GRM8: variants seen among roughly 807,000 people sequenced by gnomAD.
GRM8 encodes the protein metabotropic glutamate receptor 8.
Under a neutral mutation model 87.2 loss-of-function variants are expected in GRM8, and 47 were observed. The observed-to-expected ratio is 0.54, with a 90% CI of 0.43 to 0.69. The LOEUF is 0.69. GRM8 is among the 30% of genes least tolerant of loss of function. GRM8 has a pLI of 0.00. For synonymous variants in GRM8, 396 were observed against 404.5 expected (o/e 0.98, Z 0.25); for missense variants, 1,019 against 1,139.2 (o/e 0.89, Z 1.52).
At chr7:127,235,126 A>G (rs1797909048) in intron 2 of GRM8, among the ~76,000 whole-genome samples, 1 of 152,206 alleles carries the variant, frequency 6.6e-6, no homozygotes, top group African/African-American at 2.4e-5. Flanking sequence ...ACTTCTCACT[A>G]CTTTTCAAAC....
chr7:126,464,485 TA>T (rs1297747334), intron 9 of GRM8, among the ~76,000 whole-genome samples: 1 of 151,748 alleles, frequency 6.6e-6, no homozygotes, highest in Admixed American at 6.6e-5. Context: ...ACTTTATTGA[TA>T]AGTAAGGACT....
chr7:126,750,661 C>T (rs181359807), intron 7 of GRM8, among the ~76,000 whole-genome samples: 11 of 152,134 alleles, frequency 7.2e-5, no homozygotes, highest in East Asian at 3.9e-4. Flanking sequence ...TTCTTTAAAA[C>T]GACTCTTTTT....
chr7:126,698,431 CTT>C (rs748070429), intron 7 of GRM8, among the ~76,000 whole-genome samples: 46 of 152,018 alleles, frequency 3.0e-4, no homozygotes, highest in Non-Finnish European at 4.9e-4. Flanking sequence ...AAATATTTAA[CTT>C]ATATTAAAAT....
chr7:127,094,002 C>G (rs1029680400), intron 3 of GRM8, among the ~76,000 whole-genome samples: 1 of 152,168 alleles, frequency 6.6e-6, no homozygotes, highest in African/African-American at 2.4e-5. Context: ...TTCAAGGAAA[C>G]TATATTTGTT....
chr7:127,131,663 C>T (rs1354744764), intron 2 of GRM8, among the ~76,000 whole-genome samples: 1 of 152,042 alleles, frequency 6.6e-6, no homozygotes, highest in African/African-American at 2.4e-5. Flanking sequence ...ATATGACTTA[C>T]ATATTTTTAG....
chr7:127,014,881 A>C (rs969734376), intron 3 of GRM8, among the ~76,000 whole-genome samples: 3 of 150,586 alleles, frequency 2.0e-5, no homozygotes, highest in Non-Finnish European at 4.4e-5. Context: ...GAACCGCTTC[A>C]TACTTCAGGC....
chr7:126,648,998 A>G (rs1803486088), intron 7 of GRM8, among the ~76,000 whole-genome samples: 2 of 152,208 alleles, frequency 1.3e-5, no homozygotes, highest in South Asian at 4.1e-4. Flanking sequence ...TCATAGACTC[A>G]CTTTTAGAAG....
At chr7:126,865,480 T>C (rs1563262049) in intron 6 of GRM8, among the ~76,000 whole-genome samples, 1 of 152,210 alleles carries the variant, frequency 6.6e-6, no homozygotes, top group Admixed American at 6.5e-5. Flanking sequence ...GCTTTTAATA[T>C]ATACATAGCA....
intron 9 of GRM8, among the ~76,000 whole-genome samples, chr7:126,529,295 TA>T (rs1368550463): frequency 1.3e-5 from 2 of 152,236 alleles, no homozygotes; most frequent in Non-Finnish European, 2.9e-5. Flanking sequence ...ATTATATCAT[TA>T]ATATTAGCTC....
intron 3 of GRM8, among the ~76,000 whole-genome samples, chr7:126,932,826 A>G (rs1805909871): frequency 6.6e-6 from 1 of 152,206 alleles, no homozygotes; most frequent in Non-Finnish European, 1.5e-5. Flanking sequence ...CTCAGAAATG[A>G]ATTTGTGTGA....
chr7:126,461,716 C>T (rs1272205429), intron 9 of GRM8, among the ~76,000 whole-genome samples: 1 of 151,626 alleles, frequency 6.6e-6, no homozygotes. Flanking sequence ...TGCTCTCAAT[C>T]CCAAATGATG....
chr7:126,968,821 G>A (rs1810123257), intron 3 of GRM8, among the ~76,000 whole-genome samples: 1 of 152,132 alleles, frequency 6.6e-6, no homozygotes, highest in African/African-American at 2.4e-5. Context: ...GCCTAGACTA[G>A]CCAACAGGGA....
intron 7 of GRM8, among the ~76,000 whole-genome samples, chr7:126,684,937 G>A (rs554190744): frequency 3.9e-5 from 6 of 152,136 alleles, no homozygotes; most frequent in African/African-American, 7.2e-5. Flanking sequence ...TGATGGCAGC[G>A]GTGGGCCATC....
At chr7:126,769,139 A>G (rs576341462) in intron 7 of GRM8, among the ~76,000 whole-genome samples, 1 of 152,078 alleles carries the variant, frequency 6.6e-6, no homozygotes, top group South Asian at 2.1e-4. Flanking sequence ...TTTCATTTGA[A>G]AATAATGATC....
intron 7 of GRM8, among the ~76,000 whole-genome samples, chr7:126,614,076 C>G (rs1799196271): frequency 6.6e-6 from 1 of 152,208 alleles, no homozygotes; most frequent in African/African-American, 2.4e-5. Context: ...GACAGACTGC[C>G]TTCTCAAGTA....
chr7:127,192,565 G>A (rs1430728376), intron 2 of GRM8, among the ~76,000 whole-genome samples: 8 of 152,134 alleles, frequency 5.3e-5, no homozygotes, highest in Non-Finnish European at 1.2e-4. Flanking sequence ...GCCCATCAGG[G>A]CTCACAAAGG....
chr7:127,110,653 A>G (rs921160279), intron 2 of GRM8, among the ~76,000 whole-genome samples: 1 of 152,086 alleles, frequency 6.6e-6, no homozygotes, highest in Non-Finnish European at 1.5e-5. Context: ...TTTTCTAACA[A>G]TTATTTTGGT....
At chr7:126,795,185 TG>T (rs1485038893) in intron 6 of GRM8, among the ~76,000 whole-genome samples, 1 of 152,106 alleles carries the variant, frequency 6.6e-6, no homozygotes, top group Non-Finnish European at 1.5e-5. Flanking sequence ...ACTGGACAGT[TG>T]AGATTGAAAA....
intron 7 of GRM8, among the ~76,000 whole-genome samples, chr7:126,756,835 A>G (rs1219587802): frequency 6.6e-6 from 1 of 152,122 alleles, no homozygotes; most frequent in Non-Finnish European, 1.5e-5. Context: ...GGATACTCCT[A>G]TACATTCCAC....
Sources: gnomAD v4.1 joint callset for allele counts (sites outside exome capture counted in the v4.1 genomes callset) on GRCh38, gnomAD v4.1.1 for gene constraint, MANE v1.5 for transcripts, NCBI Gene and HGNC (gene_info 2026-07-23, HGNC 2026-07-21) for gene names.